The following PSMA8 variants were observed in gnomAD, a reference collection of about 807,000 sequenced individuals.
PSMA8 encodes the protein proteasome 20S subunit alpha 8.
In PSMA8, 18 loss-of-function variants were observed where a neutral mutation model predicts 32.4. The ratio of observed to expected loss-of-function variants is 0.56; its 90% CI spans 0.38 to 0.82. The LOEUF (loss-of-function observed/expected upper bound fraction) is 0.82. Ranked by LOEUF, PSMA8 falls within the 40% of genes least tolerant of loss-of-function variation. PSMA8 has a pLI of 0.00. For synonymous variants in PSMA8, 104 were observed against 98.1 expected (o/e 1.06, Z -0.36); for missense variants, 298 against 300.7 (o/e 0.99, Z 0.07).
At position 26,178,098 on chromosome 18, in the gene PSMA8, G is replaced by A. The variant is rs191187011; in HGVS notation, c.478-732G>A. 2.2e-3 allele frequency among the ~76,000 whole-genome samples: 338 copies of A among 152,178 alleles called. 2 individuals are homozygous for A. Among genetic ancestry groups the A allele is most frequent in the Admixed American group, 6.4e-3 (98 of 15,278 alleles). ...CCAAGTGTGGTGCCACGTACCAATA[G>A]TCCCAGCTACTTGGGAGTCTGAGGT... On this transcript the variant is annotated intron_variant, in intron 4 of 6. Transcript: ENST00000415576.
chr18:26,172,350 A>T (rs1459005146), intron 4 of PSMA8, among the ~76,000 whole-genome samples: 1 of 152,232 alleles, frequency 6.6e-6, no homozygotes, highest in African/African-American at 2.4e-5. Flanking sequence ...TGCAACTACT[A>T]AACTTTACCA....
chr18:26,144,185 T>C (rs960552675), intron 1 of PSMA8, among the ~76,000 whole-genome samples: 2 of 152,148 alleles, frequency 1.3e-5, no homozygotes, highest in South Asian at 4.1e-4. Flanking sequence ...TTAATTGGGG[T>C]GTGATAAAAT....
At chr18:26,187,767 G>A (rs1442453214) in intron 6 of PSMA8, among the ~76,000 whole-genome samples, 1 of 152,080 alleles carries the variant, frequency 6.6e-6, no homozygotes, top group Non-Finnish European at 1.5e-5. Context: ...CAACACTGTA[G>A]AACCTAGATA....
intron 6 of PSMA8, among the ~76,000 whole-genome samples, chr18:26,185,084 T>C (rs1202847207): frequency 1.8e-5 from 2 of 111,678 alleles, no homozygotes; most frequent in Non-Finnish European, 1.7e-5. Flanking sequence ...CGAAACTCCA[T>C]CTCAAAAAAA....
At chr18:26,189,148 A>G (rs749819510) in intron 6 of PSMA8, among the ~76,000 whole-genome samples, 59 of 152,204 alleles carry the variant, frequency 3.9e-4, no homozygotes, top group Non-Finnish European at 7.6e-4. Flanking sequence ...TATAAGAGAA[A>G]AAACAATAAT....
In PSMA8 at chr18:26,192,732, TAAA is replaced by T. The variant is rs1308028237; in HGVS notation, c.*326_*328del. ...ATATAATTTTAAAAAATTTTTTAAT[TAAA>T]AAAATTTAATAATTTGGTGATGTTT... On this transcript the variant is annotated 3_prime_UTR_variant, in exon 7 of 7. Transcript: ENST00000415576. 2 of 154,172 alleles carry T rather than the reference TAAA, an allele frequency of 1.3e-5. No individual in the cohort carries two copies. The highest frequency in any genetic ancestry group is 2.4e-5 in the African/African-American group (1 of 41,532). The allele number at this position is 154,172 out of a possible 1,614,324, so 9.6% of individuals were successfully genotyped here. A position where few individuals can be genotyped will look rare whatever the true frequency, so the allele number is the denominator to read the frequency against.
intron 2 of PSMA8, among the ~76,000 whole-genome samples, chr18:26,146,762 A>G (rs1568055954): frequency 6.6e-6 from 1 of 152,162 alleles, no homozygotes; most frequent in Non-Finnish European, 1.5e-5. Flanking sequence ...GACCCTATGT[A>G]TCAGTCCATT....
intron 1 of PSMA8, among the ~76,000 whole-genome samples, chr18:26,136,427 C>T (rs144277202): frequency 1.3e-5 from 2 of 152,282 alleles, no homozygotes; most frequent in African/African-American, 4.8e-5. Flanking sequence ...CAAAGTCTTC[C>T]ATAATCCTAT....
chr18:26,166,117 A>G (rs1355469177), intron 4 of PSMA8, among the ~76,000 whole-genome samples: 1 of 152,092 alleles, frequency 6.6e-6, no homozygotes, highest in African/African-American at 2.4e-5. Flanking sequence ...GAAAAAGAAA[A>G]AAAGAAAAGA....
intron 6 of PSMA8, among the ~76,000 whole-genome samples, chr18:26,181,292 G>A (rs1027310249): frequency 6.6e-6 from 1 of 152,126 alleles, no homozygotes; most frequent in Non-Finnish European, 1.5e-5. Context: ...GGAGTGCCAT[G>A]AACTGCATCC....
chr18:26,192,527 G>A lies in PSMA8; in HGVS notation c.*116G>A. On this transcript the variant is annotated 3_prime_UTR_variant, in exon 7 of 7. Transcript: ENST00000415576. Reference sequence around the variant, plus strand: ...TTGCAGCATTACATGCAGTACTTGTGTGATGTTTTGAGAATGCCAGATCTG... The same window carrying A: ...TTGCAGCATTACATGCAGTACTTGTATGATGTTTTGAGAATGCCAGATCTG... 1 of 1,233,142 alleles carries A rather than the reference G, an allele frequency of 8.1e-7. No homozygotes were observed. The highest frequency in any genetic ancestry group is 1.6e-5 in the African/African-American group (1 of 62,726). The allele number at this position is 1,233,142 out of a possible 1,614,324, so 76.4% of individuals were successfully genotyped here.
At chr18:26,137,068 G>T (rs2054916771) in intron 1 of PSMA8, among the ~76,000 whole-genome samples, 1 of 152,162 alleles carries the variant, frequency 6.6e-6, no homozygotes, top group African/African-American at 2.4e-5. Context: ...ATATTAATTA[G>T]CTTCCATTAT....
rs532099317 is a variant in PSMA8 at position 26,168,498 on chromosome 18, T to G, written c.477+10254T>G. Reference sequence around the variant, plus strand: ...CAACCCTTTCCCCTTGTTTTTTTTTTTTTTTTTTTTTTACTTTTGCTTTAT... The same window carrying G: ...CAACCCTTTCCCCTTGTTTTTTTTTGTTTTTTTTTTTTACTTTTGCTTTAT... On this transcript the variant is annotated intron_variant, in intron 4 of 6. Coordinates refer to ENST00000415576, the MANE Select transcript of PSMA8 (RefSeq NM_001025096.2). 1.8e-4 allele frequency among the ~76,000 whole-genome samples: 23 copies of G among 126,050 alleles called. No individual in the cohort carries two copies. The South Asian group carries it at 3.9e-3, about 21-fold the overall frequency. 82.7% of individuals were successfully genotyped at this position (126,050 alleles called of 152,430 possible).
At chr18:26,175,566 C>A (rs1036552950) in intron 4 of PSMA8, among the ~76,000 whole-genome samples, 10 of 152,156 alleles carry the variant, frequency 6.6e-5, no homozygotes, top group Non-Finnish European at 8.8e-5. Flanking sequence ...AACCAGGGAA[C>A]CTTCCCAAGG....
rs757054109 is a variant in PSMA8, at chr18:26,134,525, G to GT, written c.102+464dup. ...TAACAGTTGCTTCATGTTGGGAACTGTTTTTTAATAACAGTTACAATAAAA... is the reference window on the plus strand; with the variant it reads ...TAACAGTTGCTTCATGTTGGGAACTGTTTTTTTAATAACAGTTACAATAAAA... On this transcript the variant is annotated intron_variant, in intron 1 of 6. Transcript: ENST00000415576. 1.2e-4 allele frequency among the ~76,000 whole-genome samples: 19 copies of GT among 152,164 alleles called. No homozygotes were observed. In the East Asian group the frequency reaches 2.3e-3, roughly 19 times the overall value.
chr18:26,173,909 A>G (rs1001669511), intron 4 of PSMA8, among the ~76,000 whole-genome samples: 2 of 152,076 alleles, frequency 1.3e-5, no homozygotes, highest in Admixed American at 1.3e-4. Flanking sequence ...TGAACCTTAT[A>G]TACAAGGTGG....
chr18:26,143,187 C>G (rs2054973231), intron 1 of PSMA8, among the ~76,000 whole-genome samples: 1 of 152,136 alleles, frequency 6.6e-6, no homozygotes, highest in Non-Finnish European at 1.5e-5. Flanking sequence ...AATCGATTCC[C>G]ACCGAAGGCC....
chr18:26,141,748 G>C (rs573265432), intron 1 of PSMA8, among the ~76,000 whole-genome samples: 1 of 136,954 alleles, frequency 7.3e-6, no homozygotes, highest in African/African-American at 2.7e-5. Context: ...AAGAGGCAGT[G>C]GCATGATCAT....
At chr18:26,170,326 C>T (rs2055210743) in intron 4 of PSMA8, among the ~76,000 whole-genome samples, 1 of 131,836 alleles carries the variant, frequency 7.6e-6, no homozygotes, top group South Asian at 2.2e-4. Context: ...CATTTATCTA[C>T]AAACCTCTGG....
Sources: gnomAD v4.1 joint callset for allele counts (sites outside exome capture counted in the v4.1 genomes callset) on GRCh38, gnomAD v4.1.1 for gene constraint, MANE v1.5 for transcripts, NCBI Gene and HGNC (gene_info 2026-07-23, HGNC 2026-07-21) for gene names.